ATCAY: variants seen among roughly 807,000 people sequenced by gnomAD.
ATCAY encodes the protein ATCAY kinesin light chain interacting caytaxin.
ATCAY carries 22 observed loss-of-function variants against 47.7 expected under a neutral mutation model. The observed-to-expected ratio is 0.46, with a 90% CI of 0.33 to 0.66. The LOEUF (loss-of-function observed/expected upper bound fraction) is 0.66, where lower values mean the gene tolerates loss of function less well. Ranked by LOEUF, ATCAY falls within the 30% of genes least tolerant of loss-of-function variation. The pLI is 0.02. For synonymous variants in ATCAY, 216 were observed against 207.6 expected, an observed-to-expected ratio of 1.04 and a Z score of -0.35; for missense variants, 452 against 515.0, an observed-to-expected ratio of 0.88 and a Z score of 1.18.
Position 3,907,980 on chromosome 19 carries a change from G to GTTCGTCAGTGCCCCTCTCTGATGCACA in ATCAY, c.544+87_544+88insATTCGTCAGTGCCCCTCTCTGATGCAC, listed in dbSNP as rs1348378251. ...AGCCCGGCCCACTGGGCAACAGGGGGTTCGTCAGTGCCCCTCTCTGATGCA... is the reference window on the plus strand; with the variant it reads ...AGCCCGGCCCACTGGGCAACAGGGGGTTCGTCAGTGCCCCTCTCTGATGCACATTCGTCAGTGCCCCTCTCTGATGCA... On this transcript the variant is annotated intron_variant, in intron 5 of 12. Transcript: ENST00000450849. This position sits in a 1 kb window ranked among gnomAD's most constrained non-coding sequence, Gnocchi z 5.1. 1.7e-5 allele frequency: 27 copies of GTTCGTCAGTGCCCCTCTCTGATGCACA among 1,555,880 alleles called. No individual in the cohort carries two copies. The highest frequency in any genetic ancestry group is 2.1e-5 in the Non-Finnish European group (24 of 1,143,326).
At position 3,927,202 on chromosome 19, in the gene ATCAY, C is replaced by G. The variant is rs1271345956; in HGVS notation, c.*2610C>G. On this transcript the variant is annotated 3_prime_UTR_variant, in exon 13 of 13. Transcript: ENST00000450849. ...CACCACTGCACTCCAGCCTGGGAGA[C>G]AGAGCAAGACTGACTCAAAAGAAAA... 6.6e-6 allele frequency: 1 copy of G among 152,138 alleles called. No homozygotes were observed. Among genetic ancestry groups the G allele is most frequent in the Non-Finnish European group, 1.5e-5 (1 of 68,056 alleles). The allele number at this position is 152,138 out of a possible 1,614,324, so 9.4% of individuals were successfully genotyped here.
At chr19:3,910,941 G>A (rs1446895095) in intron 8 of ATCAY, 52 bp downstream of exon 8, 2 of 1,578,292 alleles carry the variant, frequency 1.3e-6, no homozygotes, top group African/African-American at 2.7e-5. Context: ...GTGCGTGTGT[G>A]CGTGTGTGTA....
chr19:3,898,186 T>A (rs966436070), intron 2 of ATCAY, among the ~76,000 whole-genome samples: 1 of 151,998 alleles, frequency 6.6e-6, no homozygotes, highest in Admixed American at 6.6e-5. Flanking sequence ...CTTTTTTTTT[T>A]CTTTTCTTTT....
chr19:3,901,918 C>T (rs2038819038), intron 2 of ATCAY, among the ~76,000 whole-genome samples: 1 of 152,158 alleles, frequency 6.6e-6, no homozygotes, highest in Non-Finnish European at 1.5e-5. Context: ...ATGGCCTGAA[C>T]CCGGGAGGCG....
chr19:3,908,704 C>CCCT, intron 6 of ATCAY, among the ~76,000 whole-genome samples: 1 of 115,152 alleles, frequency 8.7e-6, no homozygotes, highest in African/African-American at 3.5e-5. Flanking sequence ...CCCCCTCCTC[C>CCCT]TCCCTTTTCT....
intron 3 of ATCAY, among the ~76,000 whole-genome samples, chr19:3,904,211 C>T (rs2038840768): frequency 6.6e-6 from 1 of 151,954 alleles, no homozygotes; most frequent in South Asian, 2.1e-4. Flanking sequence ...GTAATCCCAG[C>T]TACTTGGGAG....
Position 3,918,940 on chromosome 19 carries a change from G to T in ATCAY, c.1073+63G>T, listed in dbSNP as rs543338321. 3.7e-5 allele frequency: 59 copies of T among 1,590,912 alleles called. No individual in the cohort carries two copies. In the East Asian group the frequency reaches 9.8e-4, roughly 27 times the overall value. On this transcript the variant is annotated intron_variant, in intron 11 of 12. Transcript: ENST00000450849. ...TCACGGGAGGCTGCCTACTCCCTTGGGGGAGGCTAGAGAGGAAGATGGGTC... is the reference window on the plus strand; with the variant it reads ...TCACGGGAGGCTGCCTACTCCCTTGTGGGAGGCTAGAGAGGAAGATGGGTC...
Position 3,908,579 on chromosome 19 carries a change from GTCC to G in ATCAY, c.647+224_647+226del, listed in dbSNP as rs1188846677. On this transcript the variant is annotated intron_variant, in intron 6 of 12. Transcript: ENST00000450849. ...TCTGGGCCACCCTGTTCTCCTCCCCGTCCTCCTCCTCCTCCTCTTCCTCCTCCT... is the reference window on the plus strand; with the variant it reads ...TCTGGGCCACCCTGTTCTCCTCCCCGTCCTCCTCCTCCTCTTCCTCCTCCT... 9.5e-5 allele frequency among the ~76,000 whole-genome samples: 14 copies of G among 147,124 alleles called. No individual in the cohort carries two copies. In the East Asian group the frequency reaches 1.2e-3, roughly 13 times the overall value.
intron 11 of ATCAY, 95 bp from the exon 12 acceptor site, chr19:3,920,671 A>G: frequency 9.1e-7 from 1 of 1,098,596 alleles, no homozygotes; most frequent in Non-Finnish European, 1.2e-6. Context: ...AATAATAAAT[A>G]AATAAAAATA....
intron 3 of ATCAY, among the ~76,000 whole-genome samples, chr19:3,903,488 C>T (rs1464965059): frequency 6.6e-6 from 1 of 151,954 alleles, no homozygotes; most frequent in Non-Finnish European, 1.5e-5. Flanking sequence ...TAACGACATT[C>T]AGTTAAGCAG....
At chr19:3,910,663 A>G (rs2038915169) in intron 7 of ATCAY, 140 bp from the exon 8 acceptor site, 1 of 796,362 alleles carries the variant, frequency 1.3e-6, no homozygotes, top group South Asian at 1.6e-5. Context: ...GGGGGCAGGG[A>G]TTTGACAGGT....
intron 12 of ATCAY, among the ~76,000 whole-genome samples, chr19:3,924,250 T>C (rs1241454209): frequency 1.3e-5 from 2 of 150,396 alleles, no homozygotes; most frequent in African/African-American, 2.4e-5. Flanking sequence ...GATGGATGGA[T>C]GGATGGATGG....
chr19:3,920,948 C>CACTCCCG, intron 12 of ATCAY, 150 bp downstream of exon 12: 2 of 929,336 alleles, frequency 2.2e-6, no homozygotes, highest in Non-Finnish European at 3.3e-6. Flanking sequence ...AAAACTGCCC[C>CACTCCCG]ATGACTTATC....
intron 2 of ATCAY, among the ~76,000 whole-genome samples, chr19:3,887,687 C>G (rs953784931): frequency 1.3e-5 from 2 of 150,234 alleles, no homozygotes; most frequent in African/African-American, 4.9e-5. Flanking sequence ...GGGGTTTCAC[C>G]ATGTTAGCCA....
At chr19:3,920,073 G>A (rs1043783912) in intron 11 of ATCAY, among the ~76,000 whole-genome samples, 4 of 152,210 alleles carry the variant, frequency 2.6e-5, no homozygotes, top group Admixed American at 2.0e-4. Context: ...AATGGGCACT[G>A]TGGCTCACGC....
At position 3,912,318 on chromosome 19, in the gene ATCAY, A is replaced by AAT. The variant is rs1400402137; in HGVS notation, c.866+1429_866+1430insAT. Among the ~76,000 whole-genome samples, 217 of 146,594 alleles carry AAT rather than the reference A, an allele frequency of 1.5e-3. 1 individual carries two copies. The highest frequency in any genetic ancestry group is 5.0e-3 in the African/African-American group (200 of 40,194). Reference sequence around the variant, plus strand: ...CGAGACCCTGTCTCTACAAAAAAAAATTTTTTTTTTTTTCAGACGGAGTCT... The same window carrying AAT: ...CGAGACCCTGTCTCTACAAAAAAAAAATTTTTTTTTTTTTTCAGACGGAGTCT... On this transcript the variant is annotated intron_variant, in intron 8 of 12. Coordinates refer to ENST00000450849, the MANE Select transcript of ATCAY (RefSeq NM_033064.5).
At position 3,909,477 on chromosome 19, in the gene ATCAY, C is replaced by T. The variant is rs756838654; in HGVS notation, c.648-9C>T. On this transcript the variant is annotated splice_polypyrimidine_tract_variant and intron_variant, in intron 6 of 12. Coordinates refer to ENST00000450849, the MANE Select transcript of ATCAY (RefSeq NM_033064.5). The stretch of plus-strand genomic sequence containing the variant: ...TGTTGGGTCCCTGCCTTCTGTGCCC[C>T]GTGAGCAGGTACGTCATCAGCAGCT... The T allele has an allele frequency of 9.3e-6, 15 of 1,612,022 alleles. No homozygotes were observed. The highest frequency in any genetic ancestry group is 3.3e-5 in the Admixed American group (2 of 59,972).
chr19:3,910,896 C>T lies in ATCAY; in HGVS notation c.866+7C>T, dbSNP rs140799527. 1,601 of 1,613,870 alleles carry T rather than the reference C, an allele frequency of 9.9e-4. 13 individuals carry two copies. Among genetic ancestry groups the T allele is most frequent in the South Asian group, 9.3e-3 (850 of 91,084 alleles). The stretch of plus-strand genomic sequence containing the variant: ...TCTCTCGCCCTTTCATCAGGTGAGA[C>T]GGGGAGGCTGCAACCCAAGTCCAGT... On this transcript the variant is annotated splice_region_variant and intron_variant, in intron 8 of 12. Coordinates refer to ENST00000450849, the MANE Select transcript of ATCAY (RefSeq NM_033064.5).
chr19:3,922,305 A>G (rs1217524560), intron 12 of ATCAY: 4 of 682,114 alleles, frequency 5.9e-6, no homozygotes, highest in African/African-American at 1.8e-5. Flanking sequence ...GGTTTAATTG[A>G]CTCACAGTTC....
Sources: gnomAD v4.1 joint callset for allele counts (sites outside exome capture counted in the v4.1 genomes callset) on GRCh38, gnomAD v4.1.1 for gene constraint, Gnocchi (gnomAD v3.1) non-coding constraint, MANE v1.5 for transcripts, NCBI Gene and HGNC (gene_info 2026-07-23, HGNC 2026-07-21) for gene names.